TAF1: variants seen among roughly 807,000 people sequenced by gnomAD.
TAF1 encodes TATA-box binding protein associated factor 1.
In TAF1, 2 loss-of-function variants were observed where a neutral mutation model predicts 138.5. The ratio of observed to expected loss-of-function variants is 0.01; its 90% CI spans 0.01 to 0.05. The LOEUF is 0.05. Ranked by LOEUF, TAF1 falls within the 10% of genes least tolerant of loss-of-function variation. TAF1 has a pLI of 1.00. For missense variants in TAF1, 709 were observed against 1,478.0 expected, an observed-to-expected ratio of 0.48 and a Z score of 8.53; for synonymous variants, 437 against 503.2, an observed-to-expected ratio of 0.87 and a Z score of 1.76.
At chrX:71,366,998 C>G (rs995579490) in intron 1 of TAF1, among the ~76,000 whole-genome samples, 3 of 112,027 alleles carry the variant, frequency 2.7e-5, no homozygotes, top group Admixed American at 1.9e-4. Flanking sequence ...GGTGGCTCTC[C>G]CAGCGTCTTC....
At chrX:71,420,862 G>A (rs1446291383) in intron 28 of TAF1, among the ~76,000 whole-genome samples, 2 of 112,314 alleles carry the variant, frequency 1.8e-5, no homozygotes, top group Non-Finnish European at 3.8e-5. Flanking sequence ...GGCCGTTCCC[G>A]TAGTCCCCTA....
intron 13 of TAF1, among the ~76,000 whole-genome samples, chrX:71,475,790 A>G (rs1447400955): frequency 9.0e-6 from 1 of 110,765 alleles, no homozygotes; most frequent in Non-Finnish European, 1.9e-5. Flanking sequence ...CTCACGTTGA[A>G]AGGTGATCCC....
intron 14 of TAF1, chrX:71,528,802 G>T (rs1294306099): frequency 3.7e-6 from 1 of 268,692 alleles, no homozygotes; most frequent in Admixed American, 4.4e-5. Context: ...AAGAGCAAAA[G>T]AACAAAGCTT....
chrX:71,438,184 A>G (rs1239803292), intron 32 of TAF1, among the ~76,000 whole-genome samples: 4 of 111,058 alleles, frequency 3.6e-5, no homozygotes, highest in South Asian at 3.8e-4. Flanking sequence ...ATTAAGTTCA[A>G]TCACAGTGTA....
At chrX:71,474,144 AAAAG>A (rs1332343525) in intron 13 of TAF1, among the ~76,000 whole-genome samples, 40 of 109,872 alleles carry the variant, frequency 3.6e-4, no homozygotes, top group Admixed American at 8.8e-4. Context: ...AAACTCTGAA[AAAAG>A]AAAGAAAGAG....
In TAF1 at chrX:71,484,640, CTTA is replaced by C. The variant is rs769313095; in HGVS notation, c.1366+23843_1366+23845del. ...AGCCACCGCGCCTGGCCAAAATTAA[CTTA>C]TTATTCATCCTTTAAGTGTTTTATT... On this transcript the variant is annotated intron_variant and NMD_transcript_variant, in intron 13 of 14. Coordinates refer to the TAF1 transcript ENST00000373775. 3.6e-5 allele frequency among the ~76,000 whole-genome samples: 4 copies of C among 111,833 alleles called. No homozygotes were observed. The South Asian group carries it at 1.5e-3, about 42-fold the overall frequency.
intron 13 of TAF1, among the ~76,000 whole-genome samples, chrX:71,495,166 G>A (rs774160351): frequency 2.1e-4 from 23 of 111,896 alleles, no homozygotes; most frequent in African/African-American, 5.8e-4. Flanking sequence ...CTGGATAGAG[G>A]CAAAGAAGGG....
At chrX:71,419,156 C>T (rs980951452) in intron 28 of TAF1, among the ~76,000 whole-genome samples, 1 of 111,765 alleles carries the variant, frequency 8.9e-6, no homozygotes, top group South Asian at 3.7e-4. Context: ...GTTGCAATCA[C>T]AAATTTTATA....
Position 71,464,736 on chromosome X carries a change from A to G in TAF1, c.*690A>G, listed in dbSNP as rs1183788985. On this transcript the variant is annotated 3_prime_UTR_variant, in exon 38 of 38. Transcript: ENST00000423759. ...AAAAAAAATTTCCAAGCATGGTATC[A>G]TCTCACTTTTCTAATTTACAGGCTG... The G allele has an allele frequency of 8.8e-6, 1 of 114,030 alleles. No homozygotes were observed. The highest frequency in any genetic ancestry group is 1.8e-5 in the Non-Finnish European group (1 of 55,085). 9.4% of individuals were successfully genotyped at this position (114,030 alleles called of 1,213,427 possible). A position where few individuals can be genotyped will look rare whatever the true frequency, so the allele number is the denominator to read the frequency against.
rs1437108682 is a variant in TAF1, at chrX:71,464,642, G to A, written c.*596G>A. The stretch of plus-strand genomic sequence containing the variant: ...AATTACTTGAACCCGGGAGGCAGAG[G>A]TTGCAGTGAGTGGAGGTCACGCCAC... On this transcript the variant is annotated 3_prime_UTR_variant, in exon 38 of 38. Transcript: ENST00000423759. The A allele has an allele frequency of 1.3e-5, 2 of 149,028 alleles. No individual in the cohort carries two copies. The highest frequency in any genetic ancestry group is 3.1e-5 in the African/African-American group (1 of 32,064). 12.3% of individuals were successfully genotyped at this position (149,028 alleles called of 1,213,427 possible). A position where few individuals can be genotyped will look rare whatever the true frequency, so the allele number is the denominator to read the frequency against.
intron 13 of TAF1, among the ~76,000 whole-genome samples, chrX:71,510,807 A>G (rs781504132): frequency 8.0e-5 from 9 of 111,945 alleles, no homozygotes; most frequent in Non-Finnish European, 1.5e-4. Context: ...TGGTGCCCCT[A>G]TAAAAGGCCC....
intron 25 of TAF1, among the ~76,000 whole-genome samples, chrX:71,405,890 G>C (rs2035441045): frequency 9.0e-6 from 1 of 110,985 alleles, no homozygotes; most frequent in Non-Finnish European, 1.9e-5. Flanking sequence ...AAGAAAAAAT[G>C]TGATACCATG....
intron 14 of TAF1, among the ~76,000 whole-genome samples, chrX:71,386,527 C>T (rs1232310833): frequency 8.9e-6 from 1 of 112,359 alleles, no homozygotes; most frequent in Non-Finnish European, 1.9e-5. Context: ...TGCAGTGGCA[C>T]GATCTTGGCT....
chrX:71,399,145 G>T (rs764547314), intron 24 of TAF1, among the ~76,000 whole-genome samples: 2 of 110,736 alleles, frequency 1.8e-5, no homozygotes, highest in East Asian at 5.6e-4. Context: ...TTGCCATGTT[G>T]CCCAGGCTAG....
At chrX:71,435,785 C>T (rs771530336) in intron 32 of TAF1, among the ~76,000 whole-genome samples, 2 of 111,035 alleles carry the variant, frequency 1.8e-5, no homozygotes, top group Admixed American at 1.9e-4. Context: ...TTGTATTTAT[C>T]AGTCTTTTCC....
chrX:71,404,783 A>C (rs1388310428), intron 25 of TAF1, among the ~76,000 whole-genome samples: 1 of 110,616 alleles, frequency 9.0e-6, no homozygotes, highest in Non-Finnish European at 1.9e-5. Flanking sequence ...AGAAATCAAT[A>C]TATTTATTGA....
At chrX:71,451,373 A>C (rs757183672) in intron 32 of TAF1, among the ~76,000 whole-genome samples, 1 of 112,368 alleles carries the variant, frequency 8.9e-6, no homozygotes, top group African/African-American at 3.2e-5. Context: ...AGTGTTTATA[A>C]AGTAATTTGG....
intron 13 of TAF1, among the ~76,000 whole-genome samples, chrX:71,501,176 C>T (rs2039498151): frequency 9.0e-6 from 1 of 110,712 alleles, no homozygotes; most frequent in Admixed American, 9.7e-5. Context: ...CCTCACTTCT[C>T]ATCATATGAA....
Position 71,495,782 on chromosome X carries a change from A to G in TAF1, c.1367-32760A>G, listed in dbSNP as rs191642590. 3.4e-3 allele frequency among the ~76,000 whole-genome samples: 378 copies of G among 111,874 alleles called. 2 individuals are homozygous for G. The highest frequency in any genetic ancestry group is 0.011 in the African/African-American group (349 of 30,779). ...TGTAGCAGTGGCCATTTCTAACCCT[A>G]TAAGTAGGAGTATTGGTTGTATGGC... On this transcript the variant is annotated intron_variant and NMD_transcript_variant, in intron 13 of 14. Transcript: ENST00000373775.
Sources: allele counts gnomAD v4.1 joint callset (sites outside exome capture counted in the v4.1 genomes callset), GRCh38; gene constraint gnomAD v4.1.1; transcripts MANE v1.5; gene names NCBI Gene and HGNC (gene_info 2026-07-23, HGNC 2026-07-21).